Variants in AGBL4 observed in about 807,000 individuals in gnomAD.
The protein encoded by AGBL4 is cytosolic carboxypeptidase 6.
AGBL4 carries 58 observed loss-of-function variants against 66.4 expected under a neutral mutation model. That is an observed-to-expected ratio of 0.87 (90% CI 0.71 to 1.09). The LOEUF (loss-of-function observed/expected upper bound fraction) is 1.09, where lower values mean the gene tolerates loss of function less well. AGBL4 is among the 50% of genes least tolerant of loss of function. AGBL4 has a pLI of 0.00. For synonymous variants in AGBL4, 234 were observed against 222.9 expected, an observed-to-expected ratio of 1.05 and a Z score of -0.44; for missense variants, 579 against 631.0, an observed-to-expected ratio of 0.92 and a Z score of 0.88.
intron 1 of AGBL4, among the ~76,000 whole-genome samples, chr1:49,884,931 C>T (rs1243173949): frequency 6.6e-6 from 1 of 151,690 alleles, no homozygotes; most frequent in African/African-American, 2.4e-5. Context: ...AATAGGCCTG[C>T]TGAAACATCT....
At chr1:49,589,286 A>G (rs1294350363) in intron 3 of AGBL4, among the ~76,000 whole-genome samples, 1 of 152,164 alleles carries the variant, frequency 6.6e-6, no homozygotes, top group Non-Finnish European at 1.5e-5. Context: ...CCCAATCCTA[A>G]TTATATGACT....
intron 3 of AGBL4, among the ~76,000 whole-genome samples, chr1:49,258,516 C>A (rs886945203): frequency 2.6e-5 from 4 of 152,046 alleles, no homozygotes; most frequent in Non-Finnish European, 4.4e-5. Context: ...AATGCAGAAG[C>A]CTCAGGAGCC....
chr1:49,908,592 A>G (rs1029850085), intron 1 of AGBL4, among the ~76,000 whole-genome samples: 3 of 152,020 alleles, frequency 2.0e-5, no homozygotes, highest in African/African-American at 7.2e-5. Context: ...TTTTTTCTTT[A>G]TAAATTACCC....
chr1:49,357,970 T>G (rs1330204787), intron 3 of AGBL4, among the ~76,000 whole-genome samples: 1 of 152,240 alleles, frequency 6.6e-6, no homozygotes, highest in East Asian at 1.9e-4. Flanking sequence ...GGCTCATCTC[T>G]CTCACCCATC....
chr1:49,264,626 A>C (rs908300657), intron 3 of AGBL4, among the ~76,000 whole-genome samples: 3 of 151,888 alleles, frequency 2.0e-5, no homozygotes, highest in Non-Finnish European at 4.4e-5. Context: ...GCTCACTGCA[A>C]CCTCTGCCTC....
At position 49,608,336 on chromosome 1, in the gene AGBL4, A is replaced by G. The variant is rs1645096850; in HGVS notation, c.282+88977T>C. Among the ~76,000 whole-genome samples the G allele has an allele frequency of 2.0e-5, 3 of 152,180 alleles. No individual in the cohort carries two copies. In the South Asian group the frequency reaches 6.2e-4, roughly 32 times the overall value. The stretch of plus-strand genomic sequence containing the variant: ...GAATTTTTTGTTTTACTTCTATAAG[A>G]GAAATGAATTAGAAAGTCATTGGCA... On this transcript the variant is annotated intron_variant, in intron 3 of 13. Coordinates refer to ENST00000371839, the MANE Select transcript of AGBL4 (RefSeq NM_032785.4).
At chr1:49,850,144 C>A (rs1646269252) in intron 2 of AGBL4, among the ~76,000 whole-genome samples, 1 of 152,104 alleles carries the variant, frequency 6.6e-6, no homozygotes, top group Non-Finnish European at 1.5e-5. Flanking sequence ...TAGAGGTAAT[C>A]AAGTTAAAAT....
intron 2 of AGBL4, among the ~76,000 whole-genome samples, chr1:49,795,982 C>T (rs958413562): frequency 4.6e-5 from 7 of 151,634 alleles, no homozygotes; most frequent in South Asian, 4.2e-4. Context: ...AAATCATGAT[C>T]ATAAAATTAA....
At chr1:49,137,505 T>G (rs1332266941) in intron 4 of AGBL4, among the ~76,000 whole-genome samples, 2 of 152,132 alleles carry the variant, frequency 1.3e-5, no homozygotes, top group Non-Finnish European at 1.5e-5. Flanking sequence ...AATCCTCATT[T>G]GCATAAGATG....
intron 5 of AGBL4, among the ~76,000 whole-genome samples, chr1:49,003,533 A>G (rs1661552579): frequency 6.6e-6 from 1 of 152,216 alleles, no homozygotes; most frequent in Non-Finnish European, 1.5e-5. Flanking sequence ...TTAGCATGGT[A>G]CTAGGAGCTT....
chr1:48,828,272 G>A (rs1040489552), intron 6 of AGBL4, among the ~76,000 whole-genome samples: 2 of 152,064 alleles, frequency 1.3e-5, no homozygotes, highest in Middle Eastern at 3.4e-3. Context: ...GAGAGAAGAC[G>A]GATTACTCCC....
chr1:49,041,572 G>T (rs1643942047), intron 5 of AGBL4, among the ~76,000 whole-genome samples: 1 of 152,044 alleles, frequency 6.6e-6, no homozygotes. Context: ...TTAAATCTTG[G>T]CCCTGATATG....
At chr1:48,584,882 T>C (rs1644795000) in intron 11 of AGBL4, 2 of 152,176 alleles carry the variant, frequency 1.3e-5, no homozygotes, top group African/African-American at 4.8e-5. Flanking sequence ...ACCTGACCTA[T>C]GACAGGCACT....
At chr1:49,120,964 A>G (rs1056262757) in intron 4 of AGBL4, among the ~76,000 whole-genome samples, 1 of 152,040 alleles carries the variant, frequency 6.6e-6, no homozygotes, top group African/African-American at 2.4e-5. Context: ...TTGATCTTCA[A>G]TCACTGATAC....
intron 3 of AGBL4, among the ~76,000 whole-genome samples, chr1:49,294,204 T>A (rs973773523): frequency 1.3e-5 from 2 of 152,226 alleles, no homozygotes; most frequent in African/African-American, 4.8e-5. Context: ...ATATTAATGG[T>A]ATGTAACTCC....
chr1:49,775,631 T>A (rs924176465), intron 2 of AGBL4, among the ~76,000 whole-genome samples: 3 of 152,146 alleles, frequency 2.0e-5, no homozygotes, highest in Non-Finnish European at 2.9e-5. Flanking sequence ...AATTACCATG[T>A]GTCTACATTT....
At chr1:48,549,013 G>T (rs1027940472) in intron 11 of AGBL4, among the ~76,000 whole-genome samples, 2 of 152,144 alleles carry the variant, frequency 1.3e-5, no homozygotes, top group Non-Finnish European at 2.9e-5. Context: ...GTCTTTTCTT[G>T]CCATTATCCT....
intron 6 of AGBL4, among the ~76,000 whole-genome samples, chr1:48,721,454 T>G (rs979440356): frequency 6.6e-6 from 1 of 152,178 alleles, no homozygotes; most frequent in African/African-American, 2.4e-5. Context: ...CTGTGTGGCT[T>G]CTCTGATGGC....
intron 3 of AGBL4, among the ~76,000 whole-genome samples, chr1:49,332,898 C>T (rs1645362273): frequency 6.6e-6 from 1 of 152,172 alleles, no homozygotes; most frequent in Non-Finnish European, 1.5e-5. Flanking sequence ...TAAAAGCGTT[C>T]CTATTTCTCC....
Sources: gnomAD v4.1 joint callset for allele counts (sites outside exome capture counted in the v4.1 genomes callset) on GRCh38, gnomAD v4.1.1 for gene constraint, MANE v1.5 for transcripts, NCBI Gene and HGNC (gene_info 2026-07-23, HGNC 2026-07-21) for gene names.